The following TOX variants were observed in gnomAD, a reference collection of about 807,000 sequenced individuals.
TOX encodes the protein thymocyte selection associated high mobility group box.
A neutral mutation model predicts 53.7 loss-of-function variants in TOX; 11 were observed. The observed-to-expected ratio is 0.20, with a 90% CI of 0.13 to 0.34. TOX has a LOEUF of 0.34. TOX is among the 10% of genes least tolerant of loss of function. The pLI is 1.00. For missense variants in TOX, 570 were observed against 664.6 expected, an observed-to-expected ratio of 0.86 and a Z score of 1.56; for synonymous variants, 225 against 245.3, an observed-to-expected ratio of 0.92 and a Z score of 0.77.
chr8:58,914,587 C>T (rs1205218208), intron 3 of TOX, among the ~76,000 whole-genome samples: 1 of 152,122 alleles, frequency 6.6e-6, no homozygotes, highest in Admixed American at 6.5e-5. Flanking sequence ...GGGGAGAGGC[C>T]AGAACTGTTG....
intron 1 of TOX, among the ~76,000 whole-genome samples, chr8:59,092,547 ATG>A (rs1325206587): frequency 4.0e-5 from 6 of 151,408 alleles, no homozygotes; most frequent in Non-Finnish European, 8.8e-5. Flanking sequence ...AAATCTTTAA[ATG>A]GCTTCTCACA....
intron 1 of TOX, among the ~76,000 whole-genome samples, chr8:59,085,027 A>T (rs1389803749): frequency 1.3e-5 from 2 of 152,196 alleles, no homozygotes; most frequent in African/African-American, 4.8e-5. Context: ...TAAGAGAATA[A>T]ACCAAACAAA....
intron 3 of TOX, among the ~76,000 whole-genome samples, chr8:58,869,682 TATTAGATATACAAGGTTAAAGTTCAAC>T (rs1563375043): frequency 2.0e-5 from 3 of 152,198 alleles, no homozygotes; most frequent in Non-Finnish European, 2.9e-5. Context: ...CCAGGATTTA[TATTAGATATACAAGGTTAAAGTTCAAC>T]ATTAGATATA....
In TOX at chr8:59,061,331, T is replaced by G. The variant is rs559560332; in HGVS notation, c.102+57555A>C. Among the ~76,000 whole-genome samples the G allele has an allele frequency of 5.3e-4, 81 of 152,286 alleles. 1 individual carries two copies. Among genetic ancestry groups the G allele is most frequent in the Middle Eastern group, 3.4e-3 (1 of 294 alleles). On this transcript the variant is annotated intron_variant, in intron 1 of 8. Transcript: ENST00000361421. ...AAGAAACCAAAGCAATTGGTACTGA[T>G]TGTTGAGATAAAAGGCATTTGATGA...
chr8:58,993,012 G>A (rs1408282195), intron 1 of TOX: 2 of 152,174 alleles, frequency 1.3e-5, no homozygotes, highest in Non-Finnish European at 2.9e-5. Context: ...GTCCAGTAAT[G>A]GCTCAGTCAC....
At chr8:58,860,399 A>C (rs927026556) in intron 3 of TOX, among the ~76,000 whole-genome samples, 1 of 152,170 alleles carries the variant, frequency 6.6e-6, no homozygotes, top group Admixed American at 6.5e-5. Context: ...CAAGACAATA[A>C]ATATTTTAGG....
At chr8:58,998,515 A>T (rs28453749) in intron 1 of TOX, among the ~76,000 whole-genome samples, 1,413 of 80,682 alleles carry the variant, frequency 0.018, 20 homozygotes, top group Non-Finnish European at 0.028. Context: ...ATATATATAT[A>T]TATATATATA....
At chr8:59,068,098 T>C (rs535355053) in intron 1 of TOX, among the ~76,000 whole-genome samples, 1 of 152,366 alleles carries the variant, frequency 6.6e-6, no homozygotes, top group Non-Finnish European at 1.5e-5. Context: ...GAAATTATTA[T>C]TATGCTTATC....
chr8:59,035,551 T>G (rs1814443498), intron 1 of TOX, among the ~76,000 whole-genome samples: 1 of 152,210 alleles, frequency 6.6e-6, no homozygotes, highest in Non-Finnish European at 1.5e-5. Flanking sequence ...TTTTAATATT[T>G]GCTTAAGCAA....
intron 6 of TOX, among the ~76,000 whole-genome samples, chr8:58,820,929 T>A (rs1305740714): frequency 1.3e-5 from 2 of 152,182 alleles, no homozygotes; most frequent in Admixed American, 1.3e-4. Context: ...ATAATTTAGA[T>A]CCATGTCTAG....
intron 1 of TOX, among the ~76,000 whole-genome samples, chr8:59,079,416 A>G (rs1365229403): frequency 6.6e-6 from 1 of 152,194 alleles, no homozygotes; most frequent in African/African-American, 2.4e-5. Context: ...GGCATGGCCT[A>G]GGTTTCTGCT....
chr8:59,092,262 A>G (rs1490592909), intron 1 of TOX, among the ~76,000 whole-genome samples: 1 of 57,736 alleles, frequency 1.7e-5, no homozygotes, highest in Non-Finnish European at 3.3e-5. Context: ...ATATATATAT[A>G]TTTTATATAT....
chr8:58,848,354 A>T lies in TOX; in HGVS notation c.693+3170T>A, dbSNP rs1232455514. On this transcript the variant is annotated intron_variant, in intron 4 of 8. Coordinates refer to ENST00000361421, the MANE Select transcript of TOX (RefSeq NM_014729.3). ...TAAAATATTTGTGGCATAAACAGAA[A>T]GTAACATACTTAGAAAAACAAGCCT... is the stretch of plus-strand genomic sequence containing the variant. Among the ~76,000 whole-genome samples, 7 of 151,900 alleles carry T rather than the reference A, an allele frequency of 4.6e-5. 1 individual carries two copies. In the East Asian group the frequency reaches 1.4e-3, roughly 29 times the overall value.
intron 1 of TOX, among the ~76,000 whole-genome samples, chr8:59,104,173 G>A (rs2129424567): frequency 6.6e-6 from 1 of 152,284 alleles, no homozygotes; most frequent in South Asian, 2.1e-4. Flanking sequence ...ACTGACAACA[G>A]CAATTTGAAT....
At chr8:58,881,803 G>A (rs1245559017) in intron 3 of TOX, among the ~76,000 whole-genome samples, 3 of 148,700 alleles carry the variant, frequency 2.0e-5, no homozygotes, top group Admixed American at 6.7e-5. Flanking sequence ...ACACCAAGCC[G>A]CAGTATCAGG....
At chr8:59,114,676 C>A (rs1055084739) in intron 1 of TOX, among the ~76,000 whole-genome samples, 1 of 152,104 alleles carries the variant, frequency 6.6e-6, no homozygotes, top group Non-Finnish European at 1.5e-5. Context: ...TATAACCCTC[C>A]CTTCTTTACC....
At chr8:58,987,446 C>A (rs757328755) in intron 1 of TOX, among the ~76,000 whole-genome samples, 3 of 152,154 alleles carry the variant, frequency 2.0e-5, no homozygotes, top group Non-Finnish European at 4.4e-5. Flanking sequence ...AATTTGCATT[C>A]ATTAAGTTAG....
At chr8:58,868,643 A>G (rs1025990005) in intron 3 of TOX, among the ~76,000 whole-genome samples, 1 of 152,176 alleles carries the variant, frequency 6.6e-6, no homozygotes, top group Non-Finnish European at 1.5e-5. Context: ...CTACATGAAA[A>G]TAAAGGTACA....
intron 1 of TOX, among the ~76,000 whole-genome samples, chr8:59,106,932 A>G (rs1026122179): frequency 3.9e-5 from 6 of 152,098 alleles, no homozygotes; most frequent in Non-Finnish European, 7.4e-5. Context: ...ATGTGATGTC[A>G]TAACTAGAAA....
Sources: allele counts gnomAD v4.1 joint callset (sites outside exome capture counted in the v4.1 genomes callset), GRCh38; gene constraint gnomAD v4.1.1; transcripts MANE v1.5; gene names NCBI Gene and HGNC (gene_info 2026-07-23, HGNC 2026-07-21).